FRMD4A: variants seen among roughly 807,000 people sequenced by gnomAD.
FRMD4A encodes the protein FERM domain-containing protein 4A.
A neutral mutation model predicts 129.1 loss-of-function variants in FRMD4A; 29 were observed. The ratio of observed to expected loss-of-function variants is 0.22; its 90% CI spans 0.17 to 0.31. FRMD4A has a LOEUF of 0.31. Among genes scored for constraint, FRMD4A ranks in the 10% least tolerant of loss-of-function variants. The pLI is 1.00. For missense variants in FRMD4A, 1,272 were observed against 1,375.8 expected (o/e 0.92, Z 1.19); for synonymous variants, 634 against 571.6 (o/e 1.11, Z -1.56).
chr10:13,747,698 G>A, intron 9 of FRMD4A, 38 bp downstream of exon 9: 1 of 1,107,588 alleles, frequency 9.0e-7, no homozygotes, highest in Non-Finnish European at 1.4e-6. Context: ...CGCACCCCGA[G>A]AGGGACTCGC....
rs145244585 is a variant in FRMD4A, at chr10:14,076,669, A to T, written c.46-217757T>A. On this transcript the variant is annotated intron_variant, in intron 2 of 24. Transcript: ENST00000357447. ...AAAAAAAAATGTGGATCATTGTTAG[A>T]TGCATTACTATGAACTTTGGGGTGG... Among the ~76,000 whole-genome samples, 5 of 152,148 alleles carry T rather than the reference A, an allele frequency of 3.3e-5. No individual in the cohort carries two copies. In the East Asian group the frequency reaches 9.7e-4, roughly 29 times the overall value.
intron 2 of FRMD4A, among the ~76,000 whole-genome samples, chr10:13,975,077 A>C (rs910019966): frequency 6.7e-6 from 1 of 150,068 alleles, no homozygotes. Context: ...ATGTGTGTCC[A>C]TGTGTGCCTG....
At chr10:13,967,919 G>A (rs1334393345) in intron 2 of FRMD4A, among the ~76,000 whole-genome samples, 3 of 152,250 alleles carry the variant, frequency 2.0e-5, no homozygotes, top group African/African-American at 7.2e-5. Flanking sequence ...GGTGGCGCAT[G>A]CCTGTGGTCC....
At chr10:14,185,747 G>A (rs539451406) in intron 2 of FRMD4A, among the ~76,000 whole-genome samples, 10 of 152,212 alleles carry the variant, frequency 6.6e-5, no homozygotes, top group African/African-American at 1.9e-4. Flanking sequence ...AACAGCAGTA[G>A]ACCAGGCTAG....
At chr10:13,647,732 C>CTTTTTTTT (rs35759840) in intron 24 of FRMD4A, 1 of 138,894 alleles carries the variant, frequency 7.2e-6, no homozygotes, top group Non-Finnish European at 1.5e-5. Context: ...AAATAAAAGG[C>CTTTTTTTT]TTTTTTTTTT....
intron 5 of FRMD4A, among the ~76,000 whole-genome samples, chr10:13,788,055 G>A (rs1304259641): frequency 6.6e-6 from 1 of 152,154 alleles, no homozygotes; most frequent in African/African-American, 2.4e-5. Flanking sequence ...CGGATTCAGA[G>A]GGTCTGCATG....
intron 2 of FRMD4A, among the ~76,000 whole-genome samples, chr10:13,953,737 A>T (rs1198384014): frequency 6.6e-6 from 1 of 152,172 alleles, no homozygotes; most frequent in Non-Finnish European, 1.5e-5. Flanking sequence ...ATAGTGGTTA[A>T]TCTCTTACTA....
chr10:13,888,559 G>A (rs1419960768), intron 2 of FRMD4A, among the ~76,000 whole-genome samples: 1 of 152,084 alleles, frequency 6.6e-6, no homozygotes, highest in Non-Finnish European at 1.5e-5. Flanking sequence ...TAGCTCAAGG[G>A]GAATATAGTT....
At position 13,711,464 on chromosome 10, in the gene FRMD4A, C is replaced by T. The variant is rs757801119; in HGVS notation, c.760-4351G>A. Among the ~76,000 whole-genome samples, 100 of 152,320 alleles carry T rather than the reference C, an allele frequency of 6.6e-4. 2 individuals are homozygous for T. Among genetic ancestry groups the T allele is most frequent in the Admixed American group, 1.2e-3 (18 of 15,310 alleles). On this transcript the variant is annotated intron_variant, in intron 12 of 24. Transcript: ENST00000357447. ...CGAGCTTGCGCTGGCTCAGTGCAGCCGTCATAACCCACCACCATGTAAAGC... is the reference window on the plus strand; with the variant it reads ...CGAGCTTGCGCTGGCTCAGTGCAGCTGTCATAACCCACCACCATGTAAAGC...
intron 2 of FRMD4A, among the ~76,000 whole-genome samples, chr10:14,255,908 A>C (rs1844598353): frequency 6.6e-6 from 1 of 151,764 alleles, no homozygotes; most frequent in Admixed American, 6.6e-5. Context: ...CAGGAGGCTG[A>C]GGCACAAGAA....
chr10:13,748,736 T>A (rs1328095883), intron 8 of FRMD4A, among the ~76,000 whole-genome samples: 1 of 152,110 alleles, frequency 6.6e-6, no homozygotes, highest in Non-Finnish European at 1.5e-5. Flanking sequence ...AACATGACGC[T>A]CAAAGGAAAT....
At chr10:14,275,761 G>A (rs951908688) in intron 2 of FRMD4A, among the ~76,000 whole-genome samples, 3 of 152,098 alleles carry the variant, frequency 2.0e-5, no homozygotes, top group South Asian at 4.2e-4. Context: ...GTGAGTGGCC[G>A]GGAGTGGCAG....
chr10:14,011,321 G>A (rs180882481), intron 2 of FRMD4A, among the ~76,000 whole-genome samples: 1 of 152,294 alleles, frequency 6.6e-6, no homozygotes, highest in East Asian at 1.9e-4. Flanking sequence ...GGGCACAGGG[G>A]ACGGAGGGGC....
At chr10:14,147,906 G>A (rs1486360141) in intron 2 of FRMD4A, among the ~76,000 whole-genome samples, 1 of 152,116 alleles carries the variant, frequency 6.6e-6, no homozygotes, top group Non-Finnish European at 1.5e-5. Flanking sequence ...ATGTGATCTT[G>A]GGACAGTCAC....
chr10:14,162,725 T>C (rs1840973138), intron 2 of FRMD4A, among the ~76,000 whole-genome samples: 2 of 151,600 alleles, frequency 1.3e-5, no homozygotes, highest in South Asian at 2.1e-4. Flanking sequence ...TGGATTCCTG[T>C]TGGGATTTTC....
At chr10:14,038,060 C>A (rs572250538) in intron 2 of FRMD4A, among the ~76,000 whole-genome samples, 1 of 152,196 alleles carries the variant, frequency 6.6e-6, no homozygotes, top group South Asian at 2.1e-4. Context: ...CGGTGGCTCA[C>A]GCCAGTAATC....
intron 6 of FRMD4A, among the ~76,000 whole-genome samples, chr10:13,763,479 G>A (rs1181139575): frequency 6.6e-6 from 1 of 152,070 alleles, no homozygotes; most frequent in Non-Finnish European, 1.5e-5. Flanking sequence ...AGTGACTACC[G>A]TATCGTCAGC....
intron 2 of FRMD4A, among the ~76,000 whole-genome samples, chr10:14,021,655 G>A (rs1169869283): frequency 6.6e-6 from 1 of 152,020 alleles, no homozygotes; most frequent in Non-Finnish European, 1.5e-5. Flanking sequence ...TAATCTAGAG[G>A]GGATACTCAG....
At chr10:13,741,116 C>A (rs1225625865) in intron 9 of FRMD4A, among the ~76,000 whole-genome samples, 1 of 152,090 alleles carries the variant, frequency 6.6e-6, no homozygotes, top group Non-Finnish European at 1.5e-5. Context: ...CGTGAGCCAC[C>A]ATGGCTGGCT....
Sources: allele counts gnomAD v4.1 joint callset (sites outside exome capture counted in the v4.1 genomes callset), GRCh38; gene constraint gnomAD v4.1.1; transcripts MANE v1.5; gene names NCBI Gene and HGNC (gene_info 2026-07-23, HGNC 2026-07-21).